SQOR: variants seen among roughly 807,000 people sequenced by gnomAD.
The protein encoded by SQOR is sulfide:quinone oxidoreductase, mitochondrial.
SQOR carries 39 observed loss-of-function variants against 48.6 expected under a neutral mutation model. That is an observed-to-expected ratio of 0.80 (90% CI 0.62 to 1.05). SQOR has a LOEUF of 1.05. Ranked by LOEUF, SQOR falls within the 50% of genes least tolerant of loss-of-function variation. SQOR has a pLI of 0.00. For missense variants in SQOR, 561 were observed against 559.9 expected, an observed-to-expected ratio of 1.00 and a Z score of -0.02; for synonymous variants, 220 against 206.2, an observed-to-expected ratio of 1.07 and a Z score of -0.57.
At chr15:45,647,116 G>C (rs374642076) in intron 1 of SQOR, among the ~76,000 whole-genome samples, 1 of 151,952 alleles carries the variant, frequency 6.6e-6, no homozygotes, top group Non-Finnish European at 1.5e-5. Context: ...GGGTGTTGTG[G>C]TGGGCGCCTG....
At chr15:45,689,922 A>T (rs531544307) in intron 9 of SQOR, among the ~76,000 whole-genome samples, 2 of 152,208 alleles carry the variant, frequency 1.3e-5, no homozygotes, top group African/African-American at 4.8e-5. Context: ...GTTTAATTTA[A>T]TTAAACACTC....
chr15:45,659,213 T>C, intron 2 of SQOR, 56 bp downstream of exon 2: 1 of 517,938 alleles, frequency 1.9e-6, no homozygotes, highest in Non-Finnish European at 2.6e-6. Context: ...TGTGTGTGAG[T>C]GTGTGTGTGT....
chr15:45,657,272 T>TC (rs1889629228), intron 1 of SQOR, among the ~76,000 whole-genome samples: 1 of 151,588 alleles, frequency 6.6e-6, no homozygotes, highest in Admixed American at 6.6e-5. Context: ...TGCATTTTTT[T>TC]TTTTCTGTCC....
chr15:45,647,328 C>CTATT (rs1555400404), intron 1 of SQOR, among the ~76,000 whole-genome samples: 2 of 140,554 alleles, frequency 1.4e-5, no homozygotes, highest in East Asian at 4.3e-4. Flanking sequence ...GCTACTTTAA[C>CTATT]TTTTTTTTTT....
intron 1 of SQOR, among the ~76,000 whole-genome samples, chr15:45,635,689 T>TG (rs1463247095): frequency 2.0e-5 from 3 of 152,210 alleles, no homozygotes; most frequent in Non-Finnish European, 4.4e-5. Context: ...CTCTTTTATT[T>TG]ATCAAAATTC....
At chr15:45,675,598 C>T (rs1890022223) in intron 5 of SQOR, among the ~76,000 whole-genome samples, 1 of 151,820 alleles carries the variant, frequency 6.6e-6, no homozygotes, top group African/African-American at 2.4e-5. Context: ...TTGTCTCAAA[C>T]CATGTTGGCC....
rs73420490 is a variant in SQOR, at chr15:45,635,694, A to G, written c.-18+586A>G. 2.0e-3 allele frequency among the ~76,000 whole-genome samples: 310 copies of G among 152,224 alleles called. 1 individual carries two copies. The highest frequency in any genetic ancestry group is 7.2e-3 in the African/African-American group (299 of 41,524). On this transcript the variant is annotated intron_variant, in intron 1 of 9. Coordinates refer to ENST00000260324, the MANE Select transcript of SQOR (RefSeq NM_021199.4). ...CTTCATCTGTCTCTTTTATTTATCA[A>G]AATTCCAACCTGGCTTTTTGCTCAA...
chr15:45,656,418 G>T lies in SQOR; in HGVS notation c.-17-2489G>T, dbSNP rs538476532. On this transcript the variant is annotated intron_variant, in intron 1 of 9. Transcript: ENST00000260324. ...GGGCTTGAGTGATCCTTCCACTTCA[G>T]CCTTGGTAGTAGCTGGGTGCACCAC... 3.9e-5 allele frequency among the ~76,000 whole-genome samples: 6 copies of T among 151,924 alleles called. No individual in the cohort carries two copies. The South Asian group carries it at 1.2e-3, about 32-fold the overall frequency.
chr15:45,657,691 C>G (rs1328816205), intron 1 of SQOR, among the ~76,000 whole-genome samples: 1 of 152,188 alleles, frequency 6.6e-6, no homozygotes, highest in Non-Finnish European at 1.5e-5. Context: ...TTTGTAGCTC[C>G]TCTGCCCTGC....
At chr15:45,670,902 A>G (rs1376270597) in intron 4 of SQOR, among the ~76,000 whole-genome samples, 1 of 152,162 alleles carries the variant, frequency 6.6e-6, no homozygotes, top group Non-Finnish European at 1.5e-5. Flanking sequence ...GACGATATGG[A>G]GAAAGGTGTT....
chr15:45,664,655 A>G (rs1889782594), intron 3 of SQOR, among the ~76,000 whole-genome samples: 1 of 152,092 alleles, frequency 6.6e-6, no homozygotes, highest in Non-Finnish European at 1.5e-5. Flanking sequence ...CTTTTTCGTG[A>G]CAGTTACCAC....
At chr15:45,664,500 CCT>C (rs1165641356) in intron 3 of SQOR, among the ~76,000 whole-genome samples, 1 of 152,120 alleles carries the variant, frequency 6.6e-6, no homozygotes, top group Non-Finnish European at 1.5e-5. Flanking sequence ...CCCCCAGCCC[CCT>C]CTTTATTCTG....
chr15:45,658,406 G>A (rs1315506597), intron 1 of SQOR, among the ~76,000 whole-genome samples: 2 of 152,316 alleles, frequency 1.3e-5, no homozygotes, highest in South Asian at 2.1e-4. Flanking sequence ...TGGGTTTCTT[G>A]CTAGACGGTT....
chr15:45,642,825 C>T (rs1008157808), intron 1 of SQOR, among the ~76,000 whole-genome samples: 1 of 152,074 alleles, frequency 6.6e-6, no homozygotes. Flanking sequence ...CCACGTCTTC[C>T]GAAATTATTC....
At chr15:45,677,369 C>G (rs1237218404) in intron 6 of SQOR, among the ~76,000 whole-genome samples, 2 of 152,184 alleles carry the variant, frequency 1.3e-5, no homozygotes, top group African/African-American at 4.8e-5. Flanking sequence ...TACATAACCA[C>G]AGTACCATTA....
At chr15:45,665,561 G>A (rs1391684162) in intron 3 of SQOR, among the ~76,000 whole-genome samples, 1 of 151,216 alleles carries the variant, frequency 6.6e-6, no homozygotes, top group Non-Finnish European at 1.5e-5. Context: ...TATTATTCAA[G>A]TGACCAAATC....
intron 4 of SQOR, 42 bp from the exon 5 acceptor site, chr15:45,673,565 T>C (rs1483659365): frequency 3.8e-6 from 6 of 1,591,324 alleles, no homozygotes; most frequent in African/African-American, 1.4e-5. Flanking sequence ...CTAAAGACAT[T>C]TGCACTTTTG....
At chr15:45,662,309 C>A (rs1444247916) in intron 3 of SQOR, among the ~76,000 whole-genome samples, 184 bp downstream of exon 3, 3 of 152,178 alleles carry the variant, frequency 2.0e-5, no homozygotes, top group Non-Finnish European at 2.9e-5. Flanking sequence ...GATGGAAGGA[C>A]TGAGTGATAT....
upstream of SQOR, among the ~76,000 whole-genome samples, chr15:45,634,482 A>G (rs1039885200): frequency 2.6e-5 from 4 of 152,000 alleles, no homozygotes; most frequent in South Asian, 8.3e-4. Context: ...TGTGGAGGCC[A>G]GTGGCTGGAA....
Sources: allele counts gnomAD v4.1 joint callset (sites outside exome capture counted in the v4.1 genomes callset), GRCh38; gene constraint gnomAD v4.1.1; transcripts MANE v1.5; gene names NCBI Gene and HGNC (gene_info 2026-07-23, HGNC 2026-07-21).